The following IGSF5 variants were observed in gnomAD, a reference collection of about 807,000 sequenced individuals.
IGSF5 encodes immunoglobulin superfamily member 5, also known as immunoglobulin superfamily 5 like.
Under a neutral mutation model 39.4 loss-of-function variants are expected in IGSF5, and 41 were observed. The observed-to-expected ratio is 1.04, with a 90% CI of 0.81 to 1.35. The LOEUF is 1.35. Ranked by LOEUF, IGSF5 falls within the 40% of genes most tolerant of loss-of-function variation. IGSF5 has a pLI of 0.00. For missense variants in IGSF5, 487 were observed against 494.6 expected (o/e 0.98, Z 0.15); for synonymous variants, 183 against 175.3 (o/e 1.04, Z -0.34).
the IGSF5 span, among the ~76,000 whole-genome samples, chr21:39,738,825 A>G: frequency 6.6e-6 from 1 of 152,006 alleles, no homozygotes; most frequent in Admixed American, 6.5e-5. The surrounding 1 kb of genome is among the most constrained non-coding windows in gnomAD (Gnocchi z 6.4). Flanking sequence ...CATAGGAGGG[A>G]TGAGGGTACA....
chr21:39,785,160 T>A (rs2080192944), intron 5 of IGSF5, among the ~76,000 whole-genome samples: 1 of 152,014 alleles, frequency 6.6e-6, no homozygotes, highest in South Asian at 2.1e-4. Flanking sequence ...CATTTAATGT[T>A]AGGTATATCT....
chr21:39,731,741 G>C, the IGSF5 span, among the ~76,000 whole-genome samples: 1 of 152,100 alleles, frequency 6.6e-6, no homozygotes. Flanking sequence ...TCCAGAAAAG[G>C]ACTCATCTGT....
the IGSF5 span, among the ~76,000 whole-genome samples, chr21:39,720,129 C>T: frequency 1.5e-4 from 23 of 152,240 alleles, no homozygotes; most frequent in African/African-American, 2.2e-4. Context: ...GTGAGGGAGA[C>T]GGTTTCAGGA....
intron 1 of IGSF5, among the ~76,000 whole-genome samples, chr21:39,745,808 G>A (rs937710444): frequency 7.9e-5 from 12 of 152,130 alleles, no homozygotes; most frequent in African/African-American, 2.9e-4. Context: ...ACAGGTGTCC[G>A]GTATTTTCCT....
intron 2 of IGSF5, among the ~76,000 whole-genome samples, chr21:39,758,694 G>A (rs1460413367): frequency 6.6e-6 from 1 of 152,132 alleles, no homozygotes; most frequent in Non-Finnish European, 1.5e-5. Flanking sequence ...CTTTCTATGG[G>A]AAAGGCATAG....
intron 2 of IGSF5, among the ~76,000 whole-genome samples, chr21:39,750,911 C>G (rs114403163): frequency 6.6e-6 from 1 of 152,252 alleles, no homozygotes; most frequent in East Asian, 1.9e-4. Context: ...AGGACCAGGG[C>G]GGGAGCTGAG....
At chr21:39,730,246 C>T in the IGSF5 span, 7 of 152,274 alleles carry the variant, frequency 4.6e-5, no homozygotes, top group East Asian at 7.7e-4. Flanking sequence ...TTCATATTGC[C>T]TTTTGTCTCT....
At chr21:39,715,100 C>G in the IGSF5 span, among the ~76,000 whole-genome samples, 10 of 151,262 alleles carry the variant, frequency 6.6e-5, no homozygotes, top group African/African-American at 2.4e-4. Flanking sequence ...TCTCCCTTCC[C>G]TTCTCTTCCT....
intron 3 of IGSF5, among the ~76,000 whole-genome samples, chr21:39,769,073 T>C (rs1333049114): frequency 2.6e-5 from 4 of 152,200 alleles, no homozygotes; most frequent in East Asian, 3.8e-4. Context: ...AACAAAATCA[T>C]GCAAGGATAA....
intron 2 of IGSF5, among the ~76,000 whole-genome samples, chr21:39,763,519 G>A (rs556716110): frequency 1.6e-4 from 25 of 152,350 alleles, no homozygotes; most frequent in Non-Finnish European, 3.1e-4. Context: ...AGTGACACGT[G>A]TGGCCTCCGG....
chr21:39,784,043 T>C (rs529110790), intron 5 of IGSF5, among the ~76,000 whole-genome samples: 40 of 152,326 alleles, frequency 2.6e-4, no homozygotes, highest in Non-Finnish European at 4.4e-4. Context: ...ATCAGTTAGC[T>C]GTAAATACGT....
intron 3 of IGSF5, among the ~76,000 whole-genome samples, chr21:39,768,806 G>A (rs2080099350): frequency 6.6e-6 from 1 of 152,202 alleles, no homozygotes; most frequent in Non-Finnish European, 1.5e-5. Context: ...ATTCAGGAAG[G>A]AATAATTGGG....
rs192081667 is a variant in IGSF5 at position 39,762,949 on chromosome 21, C to G, written c.101-2586C>G. 7.2e-4 allele frequency among the ~76,000 whole-genome samples: 110 copies of G among 152,142 alleles called. 1 individual carries two copies. In the East Asian group the frequency reaches 0.021, roughly 29 times the overall value. On this transcript the variant is annotated intron_variant, in intron 2 of 8. Transcript: ENST00000380588. ...TTGATCTTTCCCAGTGCTCTGCCCC[C>G]CATCTGGCTGTTTGCTCTATAAAGC...
intron 2 of IGSF5, among the ~76,000 whole-genome samples, chr21:39,751,912 G>A (rs754995693): frequency 2.8e-4 from 42 of 152,182 alleles, no homozygotes; most frequent in Non-Finnish European, 4.6e-4. Context: ...TCTTCCGAGT[G>A]CAGGAGAAAT....
At chr21:39,796,594 T>G (rs772356426) in intron 8 of IGSF5, among the ~76,000 whole-genome samples, 28 of 152,214 alleles carry the variant, frequency 1.8e-4, no homozygotes, top group Admixed American at 2.6e-4. Flanking sequence ...TGTCAGAGCC[T>G]CCTGAGCTGC....
chr21:39,794,844 G>A (rs2086985807), intron 8 of IGSF5, among the ~76,000 whole-genome samples: 1 of 152,116 alleles, frequency 6.6e-6, no homozygotes, highest in African/African-American at 2.4e-5. Context: ...CTTGGCACAG[G>A]TATTTACCTG....
At chr21:39,719,879 G>A in the IGSF5 span, among the ~76,000 whole-genome samples, 1 of 152,146 alleles carries the variant, frequency 6.6e-6, no homozygotes, top group Non-Finnish European at 1.5e-5. Flanking sequence ...CAACACCCTG[G>A]GCCAAGCGTT....
At chr21:39,752,472 C>T (rs1409197490) in intron 2 of IGSF5, among the ~76,000 whole-genome samples, 1 of 152,194 alleles carries the variant, frequency 6.6e-6, no homozygotes, top group East Asian at 1.9e-4. Flanking sequence ...CTGCTATAAA[C>T]ATGCATGTGC....
chr21:39,770,365 T>C (rs1287757895), intron 3 of IGSF5, among the ~76,000 whole-genome samples: 1 of 152,182 alleles, frequency 6.6e-6, no homozygotes, highest in Non-Finnish European at 1.5e-5. Context: ...TAATTTGTAA[T>C]GAGAAACCTA....
Sources: gnomAD v4.1 joint callset for allele counts (sites outside exome capture counted in the v4.1 genomes callset) on GRCh38, gnomAD v4.1.1 for gene constraint, Gnocchi (gnomAD v3.1) non-coding constraint, MANE v1.5 for transcripts, NCBI Gene and HGNC (gene_info 2026-07-23, HGNC 2026-07-21) for gene names.